Variants in PRKN observed in about 807,000 individuals in gnomAD.
PRKN encodes E3 ubiquitin-protein ligase parkin.
PRKN carries 56 observed loss-of-function variants against 59.5 expected under a neutral mutation model. That is an observed-to-expected ratio of 0.94 (90% CI 0.76 to 1.18). PRKN has a LOEUF of 1.18. Ranked by LOEUF, PRKN falls within the 50% of genes most tolerant of loss-of-function variation. The pLI is 0.00. For missense variants in PRKN, 657 were observed against 596.4 expected, an observed-to-expected ratio of 1.10 and a Z score of -1.06; for synonymous variants, 250 against 222.1, an observed-to-expected ratio of 1.13 and a Z score of -1.12.
At chr6:161,521,037 G>A (rs1303987159) in intron 9 of PRKN, among the ~76,000 whole-genome samples, 3 of 152,180 alleles carry the variant, frequency 2.0e-5, no homozygotes. Context: ...TCTCCCGTAT[G>A]TGAAGAGGGA....
chr6:162,529,348 T>C (rs1778412750), intron 1 of PRKN, among the ~76,000 whole-genome samples: 1 of 152,166 alleles, frequency 6.6e-6, no homozygotes, highest in African/African-American at 2.4e-5. Flanking sequence ...CATGCCTATA[T>C]ATTCTAAATT....
chr6:161,841,550 A>T (rs897431273), intron 6 of PRKN, among the ~76,000 whole-genome samples: 3 of 151,976 alleles, frequency 2.0e-5, no homozygotes, highest in Admixed American at 2.0e-4. Flanking sequence ...GGGTTTCACC[A>T]TGTTGGCCAG....
chr6:162,639,455 T>C (rs1777874471), intron 1 of PRKN, among the ~76,000 whole-genome samples: 2 of 152,190 alleles, frequency 1.3e-5, no homozygotes, highest in Admixed American at 1.3e-4. Context: ...CAAAGTAATT[T>C]TATGGTAAGA....
intron 1 of PRKN, among the ~76,000 whole-genome samples, chr6:162,532,819 A>G (rs1235007395): frequency 6.6e-6 from 1 of 152,232 alleles, no homozygotes. Context: ...CTCCTACTGT[A>G]GACGTCACTG....
intron 1 of PRKN, among the ~76,000 whole-genome samples, chr6:162,615,910 G>C (rs1782388893): frequency 6.6e-6 from 1 of 152,192 alleles, no homozygotes; most frequent in Non-Finnish European, 1.5e-5. Flanking sequence ...CATTGGCAGA[G>C]TATATAAATT....
At chr6:162,234,742 C>T (rs1778574880) in intron 3 of PRKN, among the ~76,000 whole-genome samples, 1 of 152,198 alleles carries the variant, frequency 6.6e-6, no homozygotes. Flanking sequence ...GTTGAATCTG[C>T]AGATGCAGAA....
intron 2 of PRKN, among the ~76,000 whole-genome samples, chr6:162,364,080 C>A (rs534851821): frequency 6.6e-6 from 1 of 152,202 alleles, no homozygotes; most frequent in Non-Finnish European, 1.5e-5. Flanking sequence ...CCAAGACTCA[C>A]GTCTTCCACC....
At chr6:162,440,348 T>C (rs1481749733) in intron 2 of PRKN, among the ~76,000 whole-genome samples, 1 of 152,160 alleles carries the variant, frequency 6.6e-6, no homozygotes, top group Non-Finnish European at 1.5e-5. Flanking sequence ...ACTCGCTTTT[T>C]AAAATTATGA....
chr6:162,727,277 GAGGTGAGGGGCGA>G (rs1309206255), intron 1 of PRKN: 5 of 228,530 alleles, frequency 2.2e-5, no homozygotes, highest in South Asian at 1.4e-4. Flanking sequence ...ACCGGCCAGT[GAGGTGAGGGGCGA>G]AGGTGAGGGG....
chr6:162,167,034 T>C (rs1039719513), intron 4 of PRKN, among the ~76,000 whole-genome samples: 1 of 152,066 alleles, frequency 6.6e-6, no homozygotes, highest in African/African-American at 2.4e-5. Flanking sequence ...CCAACAAAGA[T>C]GATAATATAG....
intron 6 of PRKN, among the ~76,000 whole-genome samples, chr6:161,906,552 T>C (rs1039985319): frequency 3.0e-4 from 45 of 152,006 alleles, no homozygotes; most frequent in African/African-American, 1.1e-3. Flanking sequence ...GTAGCTTCTT[T>C]TGCTATTAAT....
intron 7 of PRKN, among the ~76,000 whole-genome samples, chr6:161,590,592 A>G (rs1252010313): frequency 6.6e-6 from 1 of 151,498 alleles, no homozygotes; most frequent in Non-Finnish European, 1.5e-5. Flanking sequence ...AATTAGCCAG[A>G]TGTGGTGGCA....
rs552999103 is a variant in PRKN at position 162,288,909 on chromosome 6, G to A, written c.172-26144C>T. 5.9e-5 allele frequency among the ~76,000 whole-genome samples: 9 copies of A among 152,300 alleles called. No homozygotes were observed. The South Asian group carries it at 1.7e-3, about 28-fold the overall frequency. On this transcript the variant is annotated intron_variant, in intron 2 of 11. Transcript: ENST00000366898. Reference sequence around the variant, plus strand: ...TGATCAAACGGGCTCTTGAAGCTTAGGTCAGCAGTACCATTGTGAAGTCTG... The same window carrying A: ...TGATCAAACGGGCTCTTGAAGCTTAAGTCAGCAGTACCATTGTGAAGTCTG...
intron 2 of PRKN, among the ~76,000 whole-genome samples, chr6:162,310,684 T>G (rs1168011295): frequency 6.6e-6 from 1 of 151,948 alleles, no homozygotes; most frequent in Non-Finnish European, 1.5e-5. Flanking sequence ...ACATGGCACA[T>G]GTATACATAT....
At chr6:162,079,621 T>C (rs1454754030) in intron 4 of PRKN, among the ~76,000 whole-genome samples, 3 of 152,046 alleles carry the variant, frequency 2.0e-5, no homozygotes, top group African/African-American at 7.3e-5. Context: ...TTATGCTCCC[T>C]GGTCCCTAAC....
chr6:161,552,787 GTTT>G lies in PRKN; in HGVS notation c.934-3787_934-3785del, dbSNP rs368591221. The stretch of plus-strand genomic sequence containing the variant: ...TAAAAGACACCATGGTTTTGTTGTT[GTTT>G]TTGTTTTTTGTTTTTTTTTTTTAGA... On this transcript the variant is annotated intron_variant, in intron 8 of 11. Coordinates refer to ENST00000366898, the MANE Select transcript of PRKN (RefSeq NM_004562.3). The surrounding 1 kb of genome is among the most constrained non-coding windows in gnomAD (Gnocchi z 4.9). 2.7e-3 allele frequency among the ~76,000 whole-genome samples: 235 copies of G among 86,512 alleles called. 1 individual carries two copies. Among genetic ancestry groups the G allele is most frequent in the African/African-American group, 6.3e-3 (162 of 25,856 alleles). 56.8% of individuals were successfully genotyped at this position (86,512 alleles called of 152,430 possible). A position where few individuals can be genotyped will look rare whatever the true frequency, so the allele number is the denominator to read the frequency against.
At chr6:162,525,718 T>C (rs767791977) in intron 1 of PRKN, among the ~76,000 whole-genome samples, 37 of 152,206 alleles carry the variant, frequency 2.4e-4, no homozygotes, top group Admixed American at 2.3e-3. Flanking sequence ...GTCTGGCATG[T>C]AGTAATGCTT....
At chr6:162,452,612 C>G (rs1790680468) in intron 1 of PRKN, among the ~76,000 whole-genome samples, 1 of 151,640 alleles carries the variant, frequency 6.6e-6, no homozygotes, top group Non-Finnish European at 1.5e-5. Context: ...AAAAAGCAAG[C>G]AAAAATCATA....
intron 4 of PRKN, among the ~76,000 whole-genome samples, chr6:162,148,867 T>G (rs1162524443): frequency 6.6e-6 from 1 of 152,154 alleles, no homozygotes; most frequent in Non-Finnish European, 1.5e-5. Flanking sequence ...AAGCCTCCTT[T>G]TATACTTTCT....
Sources: gnomAD v4.1 joint callset for allele counts (sites outside exome capture counted in the v4.1 genomes callset) on GRCh38, gnomAD v4.1.1 for gene constraint, Gnocchi (gnomAD v3.1) non-coding constraint, MANE v1.5 for transcripts, NCBI Gene and HGNC (gene_info 2026-07-23, HGNC 2026-07-21) for gene names.